SMIM13: variants seen among roughly 807,000 people sequenced by gnomAD.
The protein encoded by SMIM13 is small integral membrane protein 13.
In SMIM13, 3 loss-of-function variants were observed where a neutral mutation model predicts 5.9. That is an observed-to-expected ratio of 0.51 (90% CI 0.23 to 1.31). The LOEUF (loss-of-function observed/expected upper bound fraction) is 1.31, where lower values mean the gene tolerates loss of function less well. Ranked by LOEUF, SMIM13 falls within the 40% of genes most tolerant of loss-of-function variation. The pLI is 0.18. For missense variants in SMIM13, 85 were observed against 109.9 expected (o/e 0.77, Z 1.01); for synonymous variants, 55 against 46.0 (o/e 1.19, Z -0.79).
chr6:11,114,083 G>A (rs1758205365), intron 1 of SMIM13, among the ~76,000 whole-genome samples: 1 of 151,492 alleles, frequency 6.6e-6, no homozygotes, highest in African/African-American at 2.4e-5. Flanking sequence ...GGATTCAAGC[G>A]ATTCTCCTGC....
At chr6:11,119,010 A>T (rs1398747547) in intron 1 of SMIM13, among the ~76,000 whole-genome samples, 1 of 152,198 alleles carries the variant, frequency 6.6e-6, no homozygotes, top group Non-Finnish European at 1.5e-5. Flanking sequence ...AATTATGGGG[A>T]CAATCCAGTT....
chr6:11,105,364 G>C, intron 1 of SMIM13: 1 of 1,379,478 alleles, frequency 7.2e-7, no homozygotes, highest in Non-Finnish European at 1.0e-6. Context: ...ACTCCTGGTG[G>C]TGTACAAGTT....
intron 1 of SMIM13, chr6:11,103,595 CTG>C: frequency 6.9e-7 from 1 of 1,452,224 alleles, no homozygotes; most frequent in East Asian, 2.5e-5. Context: ...CAGGATGGCT[CTG>C]TGGATTGGCA....
intron 1 of SMIM13, chr6:11,104,168 A>G (rs377102411): frequency 5.3e-5 from 83 of 1,551,576 alleles, no homozygotes; most frequent in Middle Eastern, 3.3e-4. Context: ...AGAGCTGGCT[A>G]TAGGTGAGGG....
chr6:11,094,261 C>G lies in SMIM13; in HGVS notation c.-53C>G. On this transcript the variant is annotated 5_prime_UTR_variant, in exon 1 of 2. Transcript: ENST00000416247. ...AGCGCAGGACGCGCCGCCGCCCGCGCTCACCGCCGTCCGCGCCAGCCGCCC... is the reference window on the plus strand; with the variant it reads ...AGCGCAGGACGCGCCGCCGCCCGCGGTCACCGCCGTCCGCGCCAGCCGCCC... 2 of 1,197,050 alleles carry G rather than the reference C, an allele frequency of 1.7e-6. No homozygotes were observed. The highest frequency in any genetic ancestry group is 2.2e-6 in the Non-Finnish European group (2 of 925,596). 74.2% of individuals were successfully genotyped at this position (1,197,050 alleles called of 1,614,324 possible).
chr6:11,095,692 C>A (rs1206721209), intron 1 of SMIM13, among the ~76,000 whole-genome samples: 2 of 152,162 alleles, frequency 1.3e-5, no homozygotes, highest in South Asian at 2.1e-4. Flanking sequence ...TTCTGTAACA[C>A]CAGGTTAAAG....
At chr6:11,120,032 A>T (rs1190429767) in intron 1 of SMIM13, among the ~76,000 whole-genome samples, 1 of 152,230 alleles carries the variant, frequency 6.6e-6, no homozygotes, top group African/African-American at 2.4e-5. Context: ...CTGCCTTCAG[A>T]ATAAAATGGA....
intron 1 of SMIM13, among the ~76,000 whole-genome samples, chr6:11,124,761 A>G (rs1758354620): frequency 6.6e-6 from 1 of 152,084 alleles, no homozygotes; most frequent in Admixed American, 6.5e-5. Flanking sequence ...CATTTCTCTG[A>G]TGATCAGTGA....
At chr6:11,112,694 G>T (rs1378668789) in intron 1 of SMIM13, among the ~76,000 whole-genome samples, 3 of 152,102 alleles carry the variant, frequency 2.0e-5, no homozygotes, top group Non-Finnish European at 4.4e-5. Flanking sequence ...ACATTCTTTT[G>T]TATTGCTGAA....
In SMIM13 at chr6:11,137,707, A is replaced by G. The variant is rs769051177; in HGVS notation, c.*3105A>G. ...CTTTTTGTGAAAATTGCCTGTACCA[A>G]TTGCATTGGTTGCGTTGCTCTGATT... On this transcript the variant is annotated 3_prime_UTR_variant, in exon 2 of 2. Coordinates refer to ENST00000416247, the MANE Select transcript of SMIM13 (RefSeq NM_001135575.2). 6.6e-6 allele frequency: 1 copy of G among 152,112 alleles called. No individual in the cohort carries two copies. Among genetic ancestry groups the G allele is most frequent in the Admixed American group, 6.5e-5 (1 of 15,270 alleles). 9.4% of individuals were successfully genotyped at this position (152,112 alleles called of 1,614,324 possible).
At chr6:11,121,776 T>C (rs920895123) in intron 1 of SMIM13, among the ~76,000 whole-genome samples, 1 of 152,238 alleles carries the variant, frequency 6.6e-6, no homozygotes, top group Non-Finnish European at 1.5e-5. Context: ...CAATTCTACT[T>C]GGAGCAAGAT....
intron 1 of SMIM13, among the ~76,000 whole-genome samples, chr6:11,099,192 T>C (rs1469466503): frequency 6.6e-6 from 1 of 152,138 alleles, no homozygotes; most frequent in Non-Finnish European, 1.5e-5. Context: ...CTTTTTTTTT[T>C]TGAGACGGAG....
rs1416999095 is a variant in SMIM13 at position 11,111,737 on chromosome 6, C to T, written c.76+17348C>T. On this transcript the variant is annotated intron_variant, in intron 1 of 1. Transcript: ENST00000416247. ...AGAGATCCAAGTGCCCTGTTCAGCC[C>T]TTGACTTGGGGTTTTATACATCGGC... 5 of 152,242 alleles carry T rather than the reference C, an allele frequency of 3.3e-5. No homozygotes were observed. The East Asian group carries it at 9.6e-4, about 29-fold the overall frequency. The allele number at this position is 152,242 out of a possible 1,614,324, so 9.4% of individuals were successfully genotyped here.
chr6:11,094,237 G>C lies in SMIM13; in HGVS notation c.-77G>C. On this transcript the variant is annotated 5_prime_UTR_variant, in exon 1 of 2. Coordinates refer to ENST00000416247, the MANE Select transcript of SMIM13 (RefSeq NM_001135575.2). ...GCCGCGCCTGGCGCCCGCCGCTGAA[G>C]CGCAGGACGCGCCGCCGCCCGCGCT... The C allele has an allele frequency of 1.2e-6, 1 of 826,620 alleles. No homozygotes were observed. Among genetic ancestry groups the C allele is most frequent in the Non-Finnish European group, 1.6e-6 (1 of 644,404 alleles). The allele number at this position is 826,620 out of a possible 1,614,324, so 51.2% of individuals were successfully genotyped here. A position where few individuals can be genotyped will look rare whatever the true frequency, so the allele number is the denominator to read the frequency against.
At chr6:11,098,779 C>G (rs1757956456) in intron 1 of SMIM13, among the ~76,000 whole-genome samples, 1 of 152,184 alleles carries the variant, frequency 6.6e-6, no homozygotes, top group Non-Finnish European at 1.5e-5. Context: ...CCATGATGTT[C>G]TTCCTACCAC....
intron 1 of SMIM13, among the ~76,000 whole-genome samples, chr6:11,127,821 G>A (rs1335976020): frequency 6.6e-6 from 1 of 152,138 alleles, no homozygotes; most frequent in Non-Finnish European, 1.5e-5. Context: ...ATCTAACTCA[G>A]CTTGTGGTGA....
intron 1 of SMIM13, among the ~76,000 whole-genome samples, chr6:11,127,996 G>C (rs1758400579): frequency 6.6e-6 from 1 of 152,212 alleles, no homozygotes. Flanking sequence ...TCAGGAGGCT[G>C]CTTGGTATTC....
rs1168096808 is a variant in SMIM13 at position 11,136,832 on chromosome 6, ATGCCCCCAAAAACTT to A, written c.*2232_*2246del. Reference sequence around the variant, plus strand: ...AAAATGATTATCAGAAAAAAAAATAATGCCCCCAAAAACTTTTGGGGGCATTATTTGGTACTGGGA... The same window carrying A: ...AAAATGATTATCAGAAAAAAAAATAATTGGGGGCATTATTTGGTACTGGGA... On this transcript the variant is annotated 3_prime_UTR_variant, in exon 2 of 2. Coordinates refer to ENST00000416247, the MANE Select transcript of SMIM13 (RefSeq NM_001135575.2). 6.6e-6 allele frequency: 1 copy of A among 151,772 alleles called. No individual in the cohort carries two copies. Among genetic ancestry groups the A allele is most frequent in the African/African-American group, 2.4e-5 (1 of 41,308 alleles). The allele number at this position is 151,772 out of a possible 1,614,324, so 9.4% of individuals were successfully genotyped here.
chr6:11,138,305 A>G lies in SMIM13; in HGVS notation c.*3703A>G, dbSNP rs755068415. Reference sequence around the variant, plus strand: ...GTATTGTCTGCTTCTAAAGTGTCCTATAGTTTTTAACTTAAAGTGTAAAGA... The same window carrying G: ...GTATTGTCTGCTTCTAAAGTGTCCTGTAGTTTTTAACTTAAAGTGTAAAGA... On this transcript the variant is annotated 3_prime_UTR_variant, in exon 2 of 2. Coordinates refer to ENST00000416247, the MANE Select transcript of SMIM13 (RefSeq NM_001135575.2). 19 of 152,338 alleles carry G rather than the reference A, an allele frequency of 1.2e-4. No individual in the cohort carries two copies. The highest frequency in any genetic ancestry group is 2.6e-4 in the Non-Finnish European group (18 of 68,018). 9.4% of individuals were successfully genotyped at this position (152,338 alleles called of 1,614,324 possible). A position where few individuals can be genotyped will look rare whatever the true frequency, so the allele number is the denominator to read the frequency against.
Sources: allele counts gnomAD v4.1 joint callset (sites outside exome capture counted in the v4.1 genomes callset), GRCh38; gene constraint gnomAD v4.1.1; transcripts MANE v1.5; gene names NCBI Gene and HGNC (gene_info 2026-07-23, HGNC 2026-07-21).